HOMER2: variants seen among roughly 807,000 people sequenced by gnomAD.
HOMER2 encodes homer scaffold protein 2, also known as homer protein homolog 2.
Under a neutral mutation model 47.0 loss-of-function variants are expected in HOMER2, and 27 were observed. The ratio of observed to expected loss-of-function variants is 0.57; its 90% CI spans 0.42 to 0.79. HOMER2 has a LOEUF of 0.79. Among genes scored for constraint, HOMER2 ranks in the 30% least tolerant of loss-of-function variants. The pLI, the probability that HOMER2 is intolerant of heterozygous loss-of-function variation, is 0.00. For synonymous variants in HOMER2, 161 were observed against 163.8 expected, an observed-to-expected ratio of 0.98 and a Z score of 0.13; for missense variants, 443 against 435.0, an observed-to-expected ratio of 1.02 and a Z score of -0.16.
intron 1 of HOMER2, among the ~76,000 whole-genome samples, chr15:82,971,546 T>C (rs1188285814): frequency 6.6e-6 from 1 of 152,238 alleles, no homozygotes; most frequent in Non-Finnish European, 1.5e-5. Flanking sequence ...ATTGTGTCAC[T>C]ATCCAGCCTG....
chr15:82,916,506 C>T (rs970646766), intron 1 of HOMER2, among the ~76,000 whole-genome samples: 3 of 152,082 alleles, frequency 2.0e-5, no homozygotes, highest in Non-Finnish European at 4.4e-5. Flanking sequence ...ATGCATGTGA[C>T]GTGAGGACAG....
chr15:82,871,732 T>C (rs992269495), intron 3 of HOMER2, among the ~76,000 whole-genome samples: 1 of 152,190 alleles, frequency 6.6e-6, no homozygotes, highest in Non-Finnish European at 1.5e-5. Context: ...GACATTTTCT[T>C]CTGTCTGGGA....
intron 1 of HOMER2, among the ~76,000 whole-genome samples, chr15:82,944,816 C>T (rs2054340180): frequency 6.6e-6 from 1 of 151,952 alleles, no homozygotes; most frequent in African/African-American, 2.4e-5. Context: ...GTATACATCC[C>T]TGCCAACTGG....
intron 1 of HOMER2, among the ~76,000 whole-genome samples, chr15:82,940,538 T>C (rs1424407011): frequency 1.3e-5 from 2 of 152,064 alleles, no homozygotes; most frequent in African/African-American, 4.8e-5. Context: ...GGTCAGGAGA[T>C]CGAGACCATC....
chr15:82,956,263 G>C (rs1008764505), upstream of HOMER2, among the ~76,000 whole-genome samples: 2 of 150,386 alleles, frequency 1.3e-5, no homozygotes, highest in South Asian at 4.2e-4. Context: ...AAAAAGAAGA[G>C]GCTTGAAGAC....
chr15:82,899,444 C>G (rs1053635602), intron 1 of HOMER2, among the ~76,000 whole-genome samples: 1 of 152,194 alleles, frequency 6.6e-6, no homozygotes, highest in Non-Finnish European at 1.5e-5. Context: ...TCCTCAGAAC[C>G]CAGAACAGAG....
At chr15:82,975,115 C>T (rs572085128) in intron 1 of HOMER2, among the ~76,000 whole-genome samples, 13 of 152,188 alleles carry the variant, frequency 8.5e-5, no homozygotes, top group African/African-American at 3.1e-4. Context: ...TGAAAAGGTG[C>T]TCAACATCAC....
At chr15:82,894,135 A>G (rs2052823588) in intron 1 of HOMER2, among the ~76,000 whole-genome samples, 1 of 152,206 alleles carries the variant, frequency 6.6e-6, no homozygotes. Context: ...CCACATGCCT[A>G]AAGCATTTTA....
At chr15:82,902,942 G>A (rs2053168863) in intron 1 of HOMER2, among the ~76,000 whole-genome samples, 1 of 152,220 alleles carries the variant, frequency 6.6e-6, no homozygotes. Context: ...TAATTCATCT[G>A]TGAGACCATA....
intron 1 of HOMER2, among the ~76,000 whole-genome samples, chr15:82,974,298 G>A (rs1351656875): frequency 6.6e-6 from 1 of 152,024 alleles, no homozygotes; most frequent in Non-Finnish European, 1.5e-5. Context: ...CAGCCACTCG[G>A]GAGGCTGAGG....
Position 82,860,952 on chromosome 15 carries a change from A to AGAGAGAGAGGGAGAGAGAG in HOMER2, c.388-1818_388-1817insCTCTCTCTCCCTCTCTCTC, listed in dbSNP as rs56193557. On this transcript the variant is annotated intron_variant, in intron 4 of 8. Transcript: ENST00000450735. ...ACTCTGTCTCAAAGATAGAAGATAG[A>AGAGAGAGAGGGAGAGAGAG]AGATGAGAGAGAGAGAGAGAGAGAG... Among the ~76,000 whole-genome samples the AGAGAGAGAGGGAGAGAGAG allele has an allele frequency of 3.8e-5, 4 of 106,100 alleles. No individual in the cohort carries two copies. In the East Asian group the frequency reaches 1.3e-3, roughly 36 times the overall value. 69.6% of individuals were successfully genotyped at this position (106,100 alleles called of 152,430 possible).
intron 7 of HOMER2, among the ~76,000 whole-genome samples, 156 bp from the exon 8 acceptor site, chr15:82,851,387 G>C (rs534763698): frequency 6.6e-6 from 1 of 152,346 alleles, no homozygotes; most frequent in African/African-American, 2.4e-5. Context: ...TCATCTCAGG[G>C]AATTTCAAGG....
chr15:82,966,023 C>G (rs898867859), intron 1 of HOMER2, among the ~76,000 whole-genome samples: 1 of 152,130 alleles, frequency 6.6e-6, no homozygotes, highest in Non-Finnish European at 1.5e-5. Context: ...ACGGCTTCAG[C>G]CCAGCAGGTC....
At chr15:82,974,561 T>A (rs1052282344) in intron 1 of HOMER2, among the ~76,000 whole-genome samples, 1 of 152,222 alleles carries the variant, frequency 6.6e-6, no homozygotes, top group Non-Finnish European at 1.5e-5. Flanking sequence ...AGAGACATAT[T>A]TCCCTAGGTA....
At chr15:82,918,635 GA>G (rs2053651673) in intron 1 of HOMER2, among the ~76,000 whole-genome samples, 2 of 152,082 alleles carry the variant, frequency 1.3e-5, no homozygotes, top group South Asian at 4.1e-4. Context: ...TGTCTCTCCT[GA>G]ACCCCATGCT....
At chr15:82,969,349 T>C (rs746285078) in intron 1 of HOMER2, among the ~76,000 whole-genome samples, 1 of 152,206 alleles carries the variant, frequency 6.6e-6, no homozygotes, top group Non-Finnish European at 1.5e-5. Flanking sequence ...TCATGAATCT[T>C]GGAAGAAAGT....
At chr15:82,952,306 C>T (rs987067806) in intron 1 of HOMER2, among the ~76,000 whole-genome samples, 8 of 152,206 alleles carry the variant, frequency 5.3e-5, no homozygotes, top group Non-Finnish European at 1.0e-4. Context: ...GGAAGGGCCA[C>T]GGGCTCCGCG....
intron 3 of HOMER2, among the ~76,000 whole-genome samples, chr15:82,874,907 C>T (rs1455693668): frequency 2.0e-5 from 3 of 152,210 alleles, no homozygotes; most frequent in Admixed American, 2.0e-4. Context: ...GTCACCTAAT[C>T]CTCAGAGTCC....
At chr15:82,949,650 G>T (rs1163817285) in intron 1 of HOMER2, among the ~76,000 whole-genome samples, 1 of 152,200 alleles carries the variant, frequency 6.6e-6, no homozygotes, top group East Asian at 1.9e-4. Context: ...AGGTGAAGAA[G>T]AGCAAAGAAG....
Sources: allele counts gnomAD v4.1 joint callset (sites outside exome capture counted in the v4.1 genomes callset), GRCh38; gene constraint gnomAD v4.1.1; transcripts MANE v1.5; gene names NCBI Gene and HGNC (gene_info 2026-07-23, HGNC 2026-07-21).